Variants in PPP1R9A observed in about 807,000 individuals in gnomAD.
The protein encoded by PPP1R9A is neurabin-1.
PPP1R9A carries 59 observed loss-of-function variants against 141.9 expected under a neutral mutation model. That is an observed-to-expected ratio of 0.42 (90% CI 0.34 to 0.52). PPP1R9A has a LOEUF of 0.52. Among genes scored for constraint, PPP1R9A ranks in the 20% least tolerant of loss-of-function variants. PPP1R9A has a pLI of 0.10. For missense variants in PPP1R9A, 1,444 were observed against 1,611.9 expected (o/e 0.90, Z 1.78); for synonymous variants, 500 against 569.7 (o/e 0.88, Z 1.74).
intron 8 of PPP1R9A, among the ~76,000 whole-genome samples, chr7:95,243,881 G>A (rs1797778276): frequency 6.6e-6 from 1 of 152,056 alleles, no homozygotes; most frequent in Admixed American, 6.6e-5. Flanking sequence ...AAGAACCATG[G>A]GCTGGGATTT....
chr7:95,192,889 T>C (rs1161938162), intron 5 of PPP1R9A, among the ~76,000 whole-genome samples: 2 of 152,108 alleles, frequency 1.3e-5, no homozygotes, highest in South Asian at 2.1e-4. Context: ...CAGGACATAT[T>C]TATAAAGACA....
At chr7:95,077,580 C>T (rs1815051266) in intron 2 of PPP1R9A, among the ~76,000 whole-genome samples, 1 of 152,066 alleles carries the variant, frequency 6.6e-6, no homozygotes. Flanking sequence ...CCTATATCCT[C>T]TGCATTGTTA....
chr7:95,177,884 A>G (rs1279587790), intron 5 of PPP1R9A, among the ~76,000 whole-genome samples: 1 of 152,116 alleles, frequency 6.6e-6, no homozygotes, highest in Non-Finnish European at 1.5e-5. Flanking sequence ...AATTTATAAA[A>G]CAATTACTGC....
chr7:95,143,037 T>G (rs1345843773), intron 4 of PPP1R9A, among the ~76,000 whole-genome samples: 1 of 152,154 alleles, frequency 6.6e-6, no homozygotes, highest in African/African-American at 2.4e-5. Flanking sequence ...CTGTGAAATA[T>G]CCTTGAATAT....
intron 4 of PPP1R9A, among the ~76,000 whole-genome samples, chr7:95,134,762 A>C (rs554817645): frequency 6.6e-6 from 1 of 152,166 alleles, no homozygotes; most frequent in Non-Finnish European, 1.5e-5. Flanking sequence ...AAGTATTCAA[A>C]CACATTTGTG....
At chr7:94,948,497 G>T (rs1230492334) in intron 2 of PPP1R9A, among the ~76,000 whole-genome samples, 1 of 152,016 alleles carries the variant, frequency 6.6e-6, no homozygotes. Flanking sequence ...CATTGGGAGG[G>T]GGCAGAGGGG....
Position 94,910,382 on chromosome 7 carries a change from A to G in PPP1R9A, c.269A>G (p.Lys90Arg), listed in dbSNP as rs1199865760. ...NAAVIAKTRG[K>R]GGHSSPQRRM... The stretch of plus-strand genomic sequence containing the variant: ...GCAGTCATTGCCAAAACAAGGGGGA[A>G]AGGTGGACATTCATCTCCTCAGAGA... The change falls in exon 2 of 20, where the codon AAA (lysine) becomes AGA (arginine). Residue 90 changes from lysine (K) to arginine (R), a missense_variant. By Grantham distance (26) the Lys-to-Arg change is conservative. Coordinates refer to ENST00000433360, the MANE Select transcript of PPP1R9A (RefSeq NM_001166160.2). This position sits in a 1 kb window ranked among gnomAD's most constrained non-coding sequence, Gnocchi z 4.5. 3 of 1,614,152 alleles carry G rather than the reference A, an allele frequency of 1.9e-6. No homozygotes were observed. Among genetic ancestry groups the G allele is most frequent in the Non-Finnish European group, 2.5e-6 (3 of 1,180,024 alleles).
chr7:95,087,626 C>T lies in PPP1R9A; in HGVS notation c.1396-23633C>T, dbSNP rs948612491. 2.0e-5 allele frequency among the ~76,000 whole-genome samples: 3 copies of T among 151,936 alleles called. No homozygotes were observed. The East Asian group carries it at 5.8e-4, about 29-fold the overall frequency. ...AAGAAGAATCATGGGCCGGGTGCCG[C>T]TGGCTCACGCCTTTAATCCCAGCAC... is the stretch of plus-strand genomic sequence containing the variant. On this transcript the variant is annotated intron_variant, in intron 2 of 19. Transcript: ENST00000433360.
At chr7:95,254,829 CT>C (rs1799360951) in intron 12 of PPP1R9A, among the ~76,000 whole-genome samples, 1 of 151,948 alleles carries the variant, frequency 6.6e-6, no homozygotes, top group Non-Finnish European at 1.5e-5. Context: ...GGAGTAAAAC[CT>C]TTTTCCAAAC....
At chr7:95,050,342 A>G (rs756026503) in intron 2 of PPP1R9A, among the ~76,000 whole-genome samples, 10 of 152,114 alleles carry the variant, frequency 6.6e-5, no homozygotes, top group Non-Finnish European at 7.4e-5. Flanking sequence ...GCTTTTAAGA[A>G]TTTTTAAATT....
intron 2 of PPP1R9A, among the ~76,000 whole-genome samples, chr7:94,943,780 C>CATGGAAAATAGTG (rs1157525897): frequency 1.3e-5 from 2 of 152,074 alleles, no homozygotes; most frequent in African/African-American, 4.8e-5. Context: ...CATTTCTATG[C>CATGGAAAATAGTG]ATGGAAAATA....
Position 95,252,090 on chromosome 7 carries a change from G to C in PPP1R9A, c.2625G>C (p.Leu875Phe). ...CTAAAGGGGATACCATGGAGAACTTGGATGGCAAGCAGACATCTTGCCAAG... is the reference window on the plus strand; with the variant it reads ...CTAAAGGGGATACCATGGAGAACTTCGATGGCAAGCAGACATCTTGCCAAG... ...EVSKGDTMEN[L>F]DGKQTSCQDG... is the part of the protein sequence containing the mutation. Residue 875 changes from leucine (L) to phenylalanine (F), a missense_variant, in exon 12 of 20, where the codon TTG becomes TTC. Physicochemically the swap from Leu to Phe is conservative, Grantham distance 22. This residue lies in a region of PPP1R9A where 488 missense variants were observed against 542.0 expected (regional missense o/e 0.90). Transcript: ENST00000433360. 1 of 1,605,860 alleles carries C rather than the reference G, an allele frequency of 6.2e-7. No individual in the cohort carries two copies. The highest frequency in any genetic ancestry group is 1.1e-5 in the South Asian group (1 of 88,556).
chr7:94,927,883 G>A (rs1793673680), intron 2 of PPP1R9A, among the ~76,000 whole-genome samples: 1 of 152,292 alleles, frequency 6.6e-6, no homozygotes, highest in East Asian at 1.9e-4. Flanking sequence ...TTTGGATCAT[G>A]CAATGTCTAG....
intron 2 of PPP1R9A, among the ~76,000 whole-genome samples, chr7:95,048,499 A>AT (rs541731094): frequency 6.6e-5 from 10 of 150,924 alleles, no homozygotes; most frequent in Admixed American, 1.3e-4. Flanking sequence ...ATATACTGGT[A>AT]TTTTTTTTTA....
chr7:95,133,261 C>T (rs1824985648), intron 4 of PPP1R9A, among the ~76,000 whole-genome samples: 1 of 152,022 alleles, frequency 6.6e-6, no homozygotes, highest in South Asian at 2.1e-4. Context: ...GTCACGGGCT[C>T]TATGGACTGG....
At chr7:95,113,672 C>T (rs1343564879) in intron 3 of PPP1R9A, among the ~76,000 whole-genome samples, 1 of 152,232 alleles carries the variant, frequency 6.6e-6, no homozygotes, top group East Asian at 1.9e-4. Context: ...CCAAGAATCC[C>T]ATATCCATCC....
At chr7:94,950,858 C>T (rs1796390851) in intron 2 of PPP1R9A, among the ~76,000 whole-genome samples, 1 of 152,020 alleles carries the variant, frequency 6.6e-6, no homozygotes, top group Admixed American at 6.6e-5. Context: ...GTGATCTTTC[C>T]ACCTCAGCCT....
At chr7:95,028,621 A>G (rs1238602172) in intron 2 of PPP1R9A, among the ~76,000 whole-genome samples, 2 of 152,194 alleles carry the variant, frequency 1.3e-5, no homozygotes, top group African/African-American at 4.8e-5. Flanking sequence ...GGCTGAATAG[A>G]ATGTGGAGCA....
intron 5 of PPP1R9A, among the ~76,000 whole-genome samples, chr7:95,182,682 T>A (rs191052884): frequency 6.6e-6 from 1 of 152,266 alleles, no homozygotes; most frequent in African/African-American, 2.4e-5. Context: ...CCATTGTGGA[T>A]TTTGTACTTA....
Sources: gnomAD v4.1 joint callset for allele counts (sites outside exome capture counted in the v4.1 genomes callset) on GRCh38, gnomAD v4.1.1 for gene constraint, gnomAD v4.1.1 regional missense constraint, Gnocchi (gnomAD v3.1) non-coding constraint, MANE v1.5 for transcripts, NCBI Gene and HGNC (gene_info 2026-07-23, HGNC 2026-07-21) for gene names.